The following ABCA1 variants were observed in gnomAD, a reference collection of about 807,000 sequenced individuals.
ABCA1 encodes the protein ATP binding cassette subfamily A member 1.
ABCA1 carries 133 observed loss-of-function variants against 262.5 expected under a neutral mutation model. That is an observed-to-expected ratio of 0.51 (90% CI 0.44 to 0.59). The LOEUF (loss-of-function observed/expected upper bound fraction) is 0.59, where lower values mean the gene tolerates loss of function less well. Among genes scored for constraint, ABCA1 ranks in the 20% least tolerant of loss-of-function variants. The pLI is 0.00. For synonymous variants in ABCA1, 1,022 were observed against 1,043.5 expected (o/e 0.98, Z 0.40); for missense variants, 2,452 against 2,777.5 (o/e 0.88, Z 2.63).
intron 5 of ABCA1, among the ~76,000 whole-genome samples, chr9:104,878,344 T>G (rs75906492): frequency 0.022 from 3,289 of 152,346 alleles, 105 homozygotes; most frequent in African/African-American, 0.076. Context: ...AGGCACCCTG[T>G]AAGACTTCCT....
intron 5 of ABCA1, 75 bp downstream of exon 5, chr9:104,882,964 C>T (rs1838816637): frequency 2.2e-6 from 3 of 1,347,774 alleles, no homozygotes; most frequent in Admixed American, 3.4e-5. Flanking sequence ...AAGCCCCAGA[C>T]ACCTGGGCTA....
At chr9:104,816,370 G>A (rs1251884870) in intron 24 of ABCA1, 25 bp from the exon 25 acceptor site, 9 of 1,609,994 alleles carry the variant, frequency 5.6e-6, no homozygotes, top group Non-Finnish European at 7.6e-6. Flanking sequence ...ATGCAAAGAT[G>A]GCTCAATCAA....
intron 1 of ABCA1, among the ~76,000 whole-genome samples, chr9:104,909,258 G>C (rs1256317220): frequency 2.0e-5 from 3 of 152,166 alleles, no homozygotes; most frequent in Admixed American, 6.5e-5. Context: ...CCATACCTTA[G>C]AGATTCAGTG....
chr9:104,911,987 G>T (rs181805627), intron 1 of ABCA1, among the ~76,000 whole-genome samples: 59 of 152,226 alleles, frequency 3.9e-4, no homozygotes, highest in African/African-American at 9.2e-4. Flanking sequence ...TGTAACTTGG[G>T]TGCAGTTTTT....
chr9:104,845,546 G>C lies in ABCA1; in HGVS notation c.744C>G (p.Pro248=). Residue 248 remains proline, a synonymous_variant, in exon 8 of 50, where the codon CCC becomes CCG. Coordinates refer to ENST00000374736, the MANE Select transcript of ABCA1 (RefSeq NM_005502.4). ...CTTCAGCCAGCTCCTTGCTCGGGAA[G>C]GGAGATGTAGAGTTTAGTGTTCTCT... The part of the protein sequence containing the change: ...PILRTLNSTS[P]FPSKELAEAT... 2 of 1,613,744 alleles carry C rather than the reference G, an allele frequency of 1.2e-6. No individual in the cohort carries two copies. The highest frequency in any genetic ancestry group is 1.7e-6 in the Non-Finnish European group (2 of 1,179,678).
chr9:104,816,694 G>A (rs1446683700), intron 24 of ABCA1, among the ~76,000 whole-genome samples: 3 of 152,008 alleles, frequency 2.0e-5, no homozygotes, highest in Admixed American at 2.0e-4. Flanking sequence ...AAAGTCTGGT[G>A]TCTATTGCCT....
rs1284057425 is a variant in ABCA1, at chr9:104,890,608, A to AT, written c.67-1414dup. ...AAACAAACAAAAAAAAAAAGCAAAG[A>AT]TTTTTTTTTTTGAGACAGGGTCTTG... On this transcript the variant is annotated intron_variant, in intron 2 of 49. Coordinates refer to ENST00000374736, the MANE Select transcript of ABCA1 (RefSeq NM_005502.4). Among the ~76,000 whole-genome samples the AT allele has an allele frequency of 2.4e-3, 362 of 147,756 alleles. 2 individuals carry two copies. Among genetic ancestry groups the AT allele is most frequent in the African/African-American group, 7.0e-3 (284 of 40,434 alleles).
rs555252993 is a variant in ABCA1 at position 104,819,534 on chromosome 9, GC to G, written c.3241+51del. 9.6e-4 allele frequency: 1,542 copies of G among 1,612,312 alleles called. 15 individuals carry two copies. In the African/African-American group the frequency reaches 0.019, roughly 19 times the overall value. On this transcript the variant is annotated intron_variant, in intron 22 of 49. Transcript: ENST00000374736. The stretch of plus-strand genomic sequence containing the variant: ...TGAGATACAGCCACACTTCTCAAAA[GC>G]CCCCCGCTCTCTCTCAGTCCATTTA...
chr9:104,791,867 C>T lies in ABCA1; in HGVS notation c.5820+69G>A, dbSNP rs892303012. ...TCCACTTTTACCTCTTAACGAGCAT[C>T]GTTGCTTGATTGGGTAGAGATAGTC... On this transcript the variant is annotated intron_variant, in intron 43 of 49. Coordinates refer to ENST00000374736, the MANE Select transcript of ABCA1 (RefSeq NM_005502.4). 48 of 1,495,802 alleles carry T rather than the reference C, an allele frequency of 3.2e-5. 2 individuals carry two copies. The Admixed American group carries it at 7.0e-4, about 22-fold the overall frequency. The allele number at this position is 1,495,802 out of a possible 1,614,324, so 92.7% of individuals were successfully genotyped here.
In ABCA1 at chr9:104,830,689, CA is replaced by C. The variant is rs202097159; in HGVS notation, c.1892+235del. 0.068 allele frequency among the ~76,000 whole-genome samples: 9,599 copies of C among 140,818 alleles called. 478 individuals carry two copies. The highest frequency in any genetic ancestry group is 0.29 in the East Asian group (1,432 of 4,930). The allele number at this position is 140,818 out of a possible 152,430, so 92.4% of individuals were successfully genotyped here. A position where few individuals can be genotyped will look rare whatever the true frequency, so the allele number is the denominator to read the frequency against. On this transcript the variant is annotated intron_variant, in intron 14 of 49. Transcript: ENST00000374736. ...TGGGCGTCAGAGCGAGACTCCATCT[CA>C]AAAAAAAAAATAAAAATAAAAAGAT...
intron 7 of ABCA1, among the ~76,000 whole-genome samples, chr9:104,857,843 C>T (rs2253182): frequency 2.6e-5 from 4 of 151,834 alleles, no homozygotes; most frequent in Non-Finnish European, 4.4e-5. Flanking sequence ...TTTGGGGTAG[C>T]GAGAGGAATT....
intron 5 of ABCA1, 150 bp downstream of exon 5, chr9:104,882,889 T>C: frequency 2.5e-6 from 2 of 785,172 alleles, no homozygotes; most frequent in Non-Finnish European, 4.5e-6. Flanking sequence ...CAATGCCTCC[T>C]GGAGAGGGGC....
At chr9:104,816,081 C>T in intron 25 of ABCA1, 62 bp downstream of exon 25, 1 of 1,558,148 alleles carries the variant, frequency 6.4e-7, no homozygotes, top group South Asian at 1.1e-5. Context: ...ATGCAGGCTA[C>T]TGGTCTGGCC....
In ABCA1 at chr9:104,783,968, C is replaced by T; in HGVS notation, c.*347G>A. 1 of 205,756 alleles carries T rather than the reference C, an allele frequency of 4.9e-6. No homozygotes were observed. Among genetic ancestry groups the T allele is most frequent in the East Asian group, 1.1e-4 (1 of 8,784 alleles). The allele number at this position is 205,756 out of a possible 1,614,324, so 12.7% of individuals were successfully genotyped here. On this transcript the variant is annotated 3_prime_UTR_variant, in exon 50 of 50. Transcript: ENST00000374736. ...ATGATTACTTGATGAATTATTGTTGCAACCCCAATGAGAATACACAGGAAC... is the reference window on the plus strand; with the variant it reads ...ATGATTACTTGATGAATTATTGTTGTAACCCCAATGAGAATACACAGGAAC...
At chr9:104,807,821 AT>A (rs1050370961) in intron 30 of ABCA1, among the ~76,000 whole-genome samples, 4 of 130,652 alleles carry the variant, frequency 3.1e-5, no homozygotes, top group African/African-American at 8.4e-5. Flanking sequence ...TCAAAAAAAA[AT>A]AAATAAATAA....
rs574088344 is a variant in ABCA1, at chr9:104,799,515, A to G, written c.4943+304T>C. 1.5e-5 allele frequency: 15 copies of G among 983,038 alleles called. No homozygotes were observed. The African/African-American group carries it at 2.6e-4, about 17-fold the overall frequency. The allele number at this position is 983,038 out of a possible 1,614,324, so 60.9% of individuals were successfully genotyped here. A position where few individuals can be genotyped will look rare whatever the true frequency, so the allele number is the denominator to read the frequency against. On this transcript the variant is annotated intron_variant, in intron 36 of 49. Coordinates refer to ENST00000374736, the MANE Select transcript of ABCA1 (RefSeq NM_005502.4). ...TAAAACAGTGGTTTTTAAACAAATC[A>G]AACTGATTAAACACTTATAATTAAA...
intron 25 of ABCA1, among the ~76,000 whole-genome samples, chr9:104,815,261 T>G (rs1358260426): frequency 6.6e-6 from 1 of 152,228 alleles, no homozygotes; most frequent in African/African-American, 2.4e-5. Flanking sequence ...TAGACCACTG[T>G]GTCCAAAGTA....
chr9:104,918,887 C>G (rs529597146), intron 1 of ABCA1, among the ~76,000 whole-genome samples: 2 of 152,154 alleles, frequency 1.3e-5, no homozygotes, highest in Non-Finnish European at 2.9e-5. Flanking sequence ...CAAAGACTTG[C>G]TTCTTCAAGA....
intron 1 of ABCA1, among the ~76,000 whole-genome samples, chr9:104,923,912 C>T (rs1368728242): frequency 6.6e-6 from 1 of 152,142 alleles, no homozygotes; most frequent in Non-Finnish European, 1.5e-5. Context: ...AGCAGTGGTG[C>T]GTGCCTGTGG....
Sources: gnomAD v4.1 joint callset for allele counts (sites outside exome capture counted in the v4.1 genomes callset) on GRCh38, gnomAD v4.1.1 for gene constraint, MANE v1.5 for transcripts, NCBI Gene and HGNC (gene_info 2026-07-23, HGNC 2026-07-21) for gene names.